Variants in OXR1 observed in about 807,000 individuals in gnomAD.
OXR1 encodes the protein oxidation resistance 1.
A neutral mutation model predicts 104.6 loss-of-function variants in OXR1; 41 were observed. The observed-to-expected ratio is 0.39, with a 90% CI of 0.31 to 0.51. The LOEUF is 0.51. Ranked by LOEUF, OXR1 falls within the 20% of genes least tolerant of loss-of-function variation. OXR1 has a pLI of 0.77. For missense variants in OXR1, 955 were observed against 1,031.9 expected (o/e 0.93, Z 1.02); for synonymous variants, 348 against 348.4 (o/e 1.00, Z 0.01).
At chr8:106,283,555 T>G (rs757630619) in intron 1 of OXR1, among the ~76,000 whole-genome samples, 22 of 152,320 alleles carry the variant, frequency 1.4e-4, no homozygotes, top group Middle Eastern at 3.4e-3. Context: ...TAAACTTTAT[T>G]TATTCTAAGG....
At chr8:106,660,628 A>C (rs1230654768) in intron 3 of OXR1, among the ~76,000 whole-genome samples, 2 of 152,180 alleles carry the variant, frequency 1.3e-5, no homozygotes, top group Non-Finnish European at 2.9e-5. Context: ...GGAGTTACGC[A>C]TCAAGAAGGG....
intron 11 of OXR1, among the ~76,000 whole-genome samples, chr8:106,735,212 CT>C (rs200691150): frequency 0.026 from 3,816 of 145,474 alleles, 50 homozygotes; most frequent in East Asian, 0.04. Flanking sequence ...AACTCACAGA[CT>C]TTTTTTTTTT....
chr8:106,476,037 A>G (rs990168245), intron 2 of OXR1, among the ~76,000 whole-genome samples: 4 of 141,260 alleles, frequency 2.8e-5, no homozygotes, highest in Admixed American at 2.0e-4. Context: ...AGCTTTTTCT[A>G]TAACAATGAT....
At chr8:106,620,726 T>C (rs1821632872) in intron 3 of OXR1, among the ~76,000 whole-genome samples, 1 of 152,220 alleles carries the variant, frequency 6.6e-6, no homozygotes, top group South Asian at 2.1e-4. Context: ...AGCAATCTGA[T>C]AATTATTCCC....
intron 2 of OXR1, among the ~76,000 whole-genome samples, chr8:106,406,166 A>G (rs546987779): frequency 1.8e-4 from 28 of 152,212 alleles, no homozygotes; most frequent in African/African-American, 6.5e-4. Flanking sequence ...TTGCTTTTGC[A>G]TTTGTATGAG....
intron 3 of OXR1, among the ~76,000 whole-genome samples, chr8:106,675,391 A>G (rs1026904485): frequency 6.6e-6 from 1 of 152,174 alleles, no homozygotes; most frequent in African/African-American, 2.4e-5. Context: ...AGTGCAGAGT[A>G]TACATTATTT....
intron 3 of OXR1, among the ~76,000 whole-genome samples, chr8:106,646,397 C>G (rs113273836): frequency 6.6e-6 from 1 of 152,040 alleles, no homozygotes; most frequent in South Asian, 2.1e-4. Flanking sequence ...CATGAGCCAC[C>G]GCGCTTGGCC....
At chr8:106,725,839 A>C (rs1833284314) in intron 11 of OXR1, among the ~76,000 whole-genome samples, 1 of 152,250 alleles carries the variant, frequency 6.6e-6, no homozygotes, top group African/African-American at 2.4e-5. Context: ...ATGTTCATTC[A>C]AATCATTCAT....
At chr8:106,273,205 A>G (rs1010860474) in intron 1 of OXR1, among the ~76,000 whole-genome samples, 1 of 152,082 alleles carries the variant, frequency 6.6e-6, no homozygotes, top group South Asian at 2.1e-4. Flanking sequence ...GAAAATAGTC[A>G]ATGGAATTTT....
intron 3 of OXR1, among the ~76,000 whole-genome samples, chr8:106,593,343 T>G (rs1035633992): frequency 6.6e-6 from 1 of 152,236 alleles, no homozygotes; most frequent in Non-Finnish European, 1.5e-5. Context: ...AGTCCTTTTT[T>G]GTCTAATTTG....
chr8:106,513,695 TG>T (rs745505127), intron 2 of OXR1, among the ~76,000 whole-genome samples: 5 of 152,208 alleles, frequency 3.3e-5, no homozygotes, highest in Admixed American at 2.0e-4. Flanking sequence ...TCAGCATCCC[TG>T]GGAATTGTGC....
rs559714112 is a variant in OXR1 at position 106,620,629 on chromosome 8, T to G, written c.221-58581T>G. On this transcript the variant is annotated intron_variant, in intron 3 of 16. Coordinates refer to ENST00000517566, the MANE Select transcript of OXR1 (RefSeq NM_001198533.2). ...TTATTAGTAATTACCAATATTCAAC[T>G]GTAATGAAATGGACAGGGAACAAGT... 2.9e-4 allele frequency among the ~76,000 whole-genome samples: 44 copies of G among 152,302 alleles called. No homozygotes were observed. In the South Asian group the frequency reaches 8.9e-3, roughly 31 times the overall value.
chr8:106,640,731 A>G (rs919689969), intron 3 of OXR1, among the ~76,000 whole-genome samples: 1 of 152,224 alleles, frequency 6.6e-6, no homozygotes, highest in Admixed American at 6.5e-5. Context: ...ATTACATCTG[A>G]GAAAGACAAA....
At chr8:106,546,442 T>C (rs4392872) in intron 3 of OXR1, among the ~76,000 whole-genome samples, 58,713 of 152,094 alleles carry the variant, frequency 0.39, 12,962 homozygotes, top group Non-Finnish European at 0.48. Context: ...AACCAACATG[T>C]GTCTGAGACA....
At chr8:106,605,736 T>A (rs1293109310) in intron 3 of OXR1, among the ~76,000 whole-genome samples, 1 of 151,074 alleles carries the variant, frequency 6.6e-6, no homozygotes, top group African/African-American at 2.4e-5. Flanking sequence ...GAGGTGGAGG[T>A]TGCAGTGAGC....
chr8:106,633,256 C>CA (rs1822853813), intron 3 of OXR1, among the ~76,000 whole-genome samples: 1 of 149,358 alleles, frequency 6.7e-6, no homozygotes, highest in East Asian at 2.0e-4. Flanking sequence ...ACAAAACAAA[C>CA]AACAACAAAA....
intron 2 of OXR1, among the ~76,000 whole-genome samples, chr8:106,447,585 T>C (rs1341999843): frequency 6.6e-6 from 1 of 152,180 alleles, no homozygotes; most frequent in Admixed American, 6.5e-5. Flanking sequence ...GCCTAGCACA[T>C]TGTAAGAACA....
intron 11 of OXR1, among the ~76,000 whole-genome samples, chr8:106,735,580 G>A (rs1372852053): frequency 6.6e-6 from 1 of 151,970 alleles, no homozygotes; most frequent in Non-Finnish European, 1.5e-5. Context: ...GTTAACTGGA[G>A]GGATAGAAGG....
intron 2 of OXR1, among the ~76,000 whole-genome samples, chr8:106,505,394 A>T (rs551899272): frequency 6.6e-6 from 1 of 152,202 alleles, no homozygotes; most frequent in Non-Finnish European, 1.5e-5. Flanking sequence ...GGATACATAA[A>T]AGAAATCTAC....
Sources: allele counts gnomAD v4.1 joint callset (sites outside exome capture counted in the v4.1 genomes callset), GRCh38; gene constraint gnomAD v4.1.1; transcripts MANE v1.5; gene names NCBI Gene and HGNC (gene_info 2026-07-23, HGNC 2026-07-21).